ATAD2B: variants seen among roughly 807,000 people sequenced by gnomAD.
ATAD2B encodes ATPase family AAA domain-containing protein 2B.
In ATAD2B, 40 loss-of-function variants were observed where a neutral mutation model predicts 167.6. The observed-to-expected ratio is 0.24, with a 90% CI of 0.19 to 0.31. ATAD2B has a LOEUF of 0.31. Among genes scored for constraint, ATAD2B ranks in the 10% least tolerant of loss-of-function variants. ATAD2B has a pLI of 1.00. For synonymous variants in ATAD2B, 579 were observed against 596.5 expected (o/e 0.97, Z 0.43); for missense variants, 1,242 against 1,757.2 (o/e 0.71, Z 5.24).
chr2:23,701,781 GGCTTTTTTTT>G, the ATAD2B span, among the ~76,000 whole-genome samples: 1 of 144,064 alleles, frequency 6.9e-6, no homozygotes, highest in Non-Finnish European at 1.5e-5. Flanking sequence ...TCGCACACAT[GGCTTTTTTTT>G]GCTTTTTTTT....
the ATAD2B span, chr2:23,703,221 C>T: frequency 6.8e-7 from 1 of 1,475,778 alleles, no homozygotes; most frequent in Non-Finnish European, 9.0e-7. Context: ...GAGGCGGTGG[C>T]CCCTCTGCCC....
intron 18 of ATAD2B, among the ~76,000 whole-genome samples, chr2:23,800,594 T>C (rs547673351): frequency 2.4e-4 from 37 of 152,278 alleles, no homozygotes; most frequent in African/African-American, 8.2e-4. Context: ...CTTTTTTTCC[T>C]CCAATTGTCT....
At chr2:23,852,443 C>T (rs556086910) in intron 13 of ATAD2B, among the ~76,000 whole-genome samples, 153 of 152,166 alleles carry the variant, frequency 1.0e-3, no homozygotes, top group Non-Finnish European at 1.7e-3. Flanking sequence ...ATCTAATACA[C>T]ATCAAAATTA....
intron 14 of ATAD2B, among the ~76,000 whole-genome samples, chr2:23,830,592 T>C (rs937059252): frequency 6.6e-6 from 1 of 152,108 alleles, no homozygotes; most frequent in African/African-American, 2.4e-5. Context: ...GTTGACAAAA[T>C]CTGGAATCAA....
the ATAD2B span, chr2:23,706,788 C>G: frequency 3.1e-6 from 2 of 635,796 alleles, no homozygotes; most frequent in South Asian, 4.8e-5. Context: ...TCACTGCGCT[C>G]AACATGTTGA....
chr2:23,872,628 G>A, intron 8 of ATAD2B: 1 of 1,342,092 alleles, frequency 7.5e-7, no homozygotes, highest in Non-Finnish European at 1.1e-6. Flanking sequence ...GGATGGTCAG[G>A]CTCCATCGGA....
At chr2:23,742,031 A>G in the ATAD2B span, among the ~76,000 whole-genome samples, 21,537 of 152,030 alleles carry the variant, frequency 0.14, 1,583 homozygotes, top group Middle Eastern at 0.22. Context: ...TTGGAATGGC[A>G]ATCATTAAAA....
At chr2:23,920,566 T>C (rs761650232) in intron 1 of ATAD2B, among the ~76,000 whole-genome samples, 3 of 152,202 alleles carry the variant, frequency 2.0e-5, no homozygotes, top group Non-Finnish European at 2.9e-5. Context: ...ATTCAGGCCC[T>C]GGGAATATGG....
chr2:23,859,690 G>A (rs1417219255), intron 12 of ATAD2B, among the ~76,000 whole-genome samples: 1 of 152,162 alleles, frequency 6.6e-6, no homozygotes, highest in Non-Finnish European at 1.5e-5. Flanking sequence ...GCTCATGCCT[G>A]TAATCCCAGC....
At chr2:23,781,336 A>G (rs1198769211) in intron 22 of ATAD2B, among the ~76,000 whole-genome samples, 1 of 113,878 alleles carries the variant, frequency 8.8e-6, no homozygotes, top group Non-Finnish European at 1.7e-5. Flanking sequence ...CCACAAAAAA[A>G]TAAATAAATA....
intron 19 of ATAD2B, among the ~76,000 whole-genome samples, chr2:23,794,731 C>T (rs1682333004): frequency 6.6e-6 from 1 of 151,654 alleles, no homozygotes; most frequent in South Asian, 2.1e-4. Context: ...TGCTATACTA[C>T]TATTAAATAT....
the ATAD2B span, among the ~76,000 whole-genome samples, chr2:23,718,831 C>T: frequency 1.3e-5 from 2 of 152,194 alleles, no homozygotes. Context: ...TGGCTCCTGG[C>T]CCCTTCTTCC....
At chr2:23,850,783 T>C (rs1157084643) in intron 13 of ATAD2B, among the ~76,000 whole-genome samples, 2 of 152,238 alleles carry the variant, frequency 1.3e-5, no homozygotes, top group African/African-American at 4.8e-5. Flanking sequence ...AACTGCCTGC[T>C]ATGAATGGAA....
chr2:23,705,508 G>A, the ATAD2B span, among the ~76,000 whole-genome samples: 1 of 151,980 alleles, frequency 6.6e-6, no homozygotes, highest in Non-Finnish European at 1.5e-5. Flanking sequence ...AAAAAAGAAT[G>A]GGAAAGACTT....
rs1675186709 is a variant in ATAD2B at position 23,750,046 on chromosome 2, A to C, written c.*2000T>G. ...TCATCAAATCTTTAAATTCTGTAAC[A>C]ATTTCCATCAAAATACAAAATGCTA... On this transcript the variant is annotated 3_prime_UTR_variant, in exon 28 of 28. Transcript: ENST00000238789. 1 of 152,190 alleles carries C rather than the reference A, an allele frequency of 6.6e-6. No individual in the cohort carries two copies. The highest frequency in any genetic ancestry group is 2.4e-5 in the African/African-American group (1 of 41,464). 9.4% of individuals were successfully genotyped at this position (152,190 alleles called of 1,614,324 possible).
chr2:23,712,592 T>C, the ATAD2B span, among the ~76,000 whole-genome samples: 2 of 152,130 alleles, frequency 1.3e-5, no homozygotes, highest in South Asian at 4.1e-4. Flanking sequence ...CACAGCAGCC[T>C]CGGCCCCAAA....
At chr2:23,872,810 A>T in intron 8 of ATAD2B, 1 of 1,018,626 alleles carries the variant, frequency 9.8e-7, no homozygotes, top group Non-Finnish European at 1.5e-6. Context: ...CACTGTCCAG[A>T]GGGTCCAGAT....
chr2:23,728,444 T>C, the ATAD2B span, among the ~76,000 whole-genome samples: 2 of 152,204 alleles, frequency 1.3e-5, no homozygotes, highest in Non-Finnish European at 2.9e-5. Context: ...GGCATAGTTA[T>C]GACTTTTGTG....
Position 23,926,696 on chromosome 2 carries a change from G to C in ATAD2B, c.75C>G (p.Ala25=). 1.3e-6 allele frequency: 2 copies of C among 1,551,462 alleles called. No homozygotes were observed. Among genetic ancestry groups the C allele is most frequent in the African/African-American group, 1.4e-5 (1 of 73,178 alleles). ...KSPGPGPGPG[A]GAEPGATGGS... ...CTCCGGTCGCCCCAGGCTCTGCTCC[G>C]GCCCCAGGCCCAGGCCCGGGACCAG... is the stretch of plus-strand genomic sequence containing the variant. The change falls in exon 1 of 28, where the codon GCC becomes GCG. Residue 25 remains alanine, a synonymous_variant. Coordinates refer to ENST00000238789, the MANE Select transcript of ATAD2B (RefSeq NM_017552.4).
Sources: gnomAD v4.1 joint callset for allele counts (sites outside exome capture counted in the v4.1 genomes callset) on GRCh38, gnomAD v4.1.1 for gene constraint, MANE v1.5 for transcripts, NCBI Gene and HGNC (gene_info 2026-07-23, HGNC 2026-07-21) for gene names.